DPP10: variants seen among roughly 807,000 people sequenced by gnomAD.
DPP10 encodes the protein dipeptidyl peptidase like 10.
Under a neutral mutation model 120.9 loss-of-function variants are expected in DPP10, and 33 were observed. The observed-to-expected ratio is 0.27, with a 90% CI of 0.21 to 0.37. The LOEUF (loss-of-function observed/expected upper bound fraction) is 0.37, where lower values mean the gene tolerates loss of function less well. Among genes scored for constraint, DPP10 ranks in the 10% least tolerant of loss-of-function variants. The pLI, the probability that DPP10 is intolerant of heterozygous loss-of-function variation, is 1.00. For missense variants in DPP10, 816 were observed against 942.8 expected, an observed-to-expected ratio of 0.87 and a Z score of 1.76; for synonymous variants, 337 against 326.1, an observed-to-expected ratio of 1.03 and a Z score of -0.36.
At chr2:115,743,314 G>A (rs917834632) in intron 9 of DPP10, among the ~76,000 whole-genome samples, 1 of 152,100 alleles carries the variant, frequency 6.6e-6, no homozygotes, top group African/African-American at 2.4e-5. Flanking sequence ...ACGCTTAGTT[G>A]AGATGTTCAC....
chr2:115,205,656 A>G (rs1446190308), intron 1 of DPP10, among the ~76,000 whole-genome samples: 1 of 152,174 alleles, frequency 6.6e-6, no homozygotes, highest in East Asian at 1.9e-4. Context: ...GATTGGATAA[A>G]GGAAATGTGA....
intron 1 of DPP10, among the ~76,000 whole-genome samples, chr2:114,638,555 C>A (rs1168533315): frequency 6.6e-6 from 1 of 151,784 alleles, no homozygotes; most frequent in African/African-American, 2.4e-5. Flanking sequence ...CAGAGAAATG[C>A]AACTCAGAAC....
At chr2:114,916,750 C>A (rs899044103) in intron 1 of DPP10, among the ~76,000 whole-genome samples, 24 of 152,118 alleles carry the variant, frequency 1.6e-4, no homozygotes, top group African/African-American at 5.8e-4. Context: ...GCTGAAAAGG[C>A]TTTTGATTAA....
chr2:115,136,559 ATG>A (rs1175230863), intron 1 of DPP10, among the ~76,000 whole-genome samples: 3 of 152,192 alleles, frequency 2.0e-5, no homozygotes, highest in Admixed American at 6.5e-5. Flanking sequence ...TTTCTATGTA[ATG>A]ACCTGTTCTC....
chr2:115,335,147 G>T (rs549137976), intron 2 of DPP10, among the ~76,000 whole-genome samples: 3 of 151,768 alleles, frequency 2.0e-5, no homozygotes, highest in African/African-American at 7.3e-5. Flanking sequence ...TTTTAAAACC[G>T]TGAGATCTCA....
chr2:114,761,249 C>A lies in DPP10; in HGVS notation c.60+318411C>A, dbSNP rs149090849. 7.5e-4 allele frequency among the ~76,000 whole-genome samples: 114 copies of A among 152,120 alleles called. 1 individual carries two copies. The highest frequency in any genetic ancestry group is 5.4e-3 in the East Asian group (28 of 5,140). ...AGAAAAGCAAATAAAAAAAAGATGG[C>A]GTACTTTCAGTAATTTAAGTAAATC... On this transcript the variant is annotated intron_variant, in intron 1 of 25. Coordinates refer to ENST00000410059, the MANE Select transcript of DPP10 (RefSeq NM_020868.6).
chr2:115,519,105 G>T (rs899764006), intron 4 of DPP10, among the ~76,000 whole-genome samples: 2 of 152,026 alleles, frequency 1.3e-5, no homozygotes, highest in African/African-American at 4.8e-5. Flanking sequence ...ATATTGGCAT[G>T]ACTCTCAAAT....
intron 1 of DPP10, among the ~76,000 whole-genome samples, chr2:115,220,521 G>T (rs573976804): frequency 6.6e-6 from 1 of 152,116 alleles, no homozygotes; most frequent in Non-Finnish European, 1.5e-5. Flanking sequence ...AGACCAGCCT[G>T]GGCAACAGAG....
chr2:115,782,726 A>C (rs547646695), intron 17 of DPP10, among the ~76,000 whole-genome samples: 1 of 152,098 alleles, frequency 6.6e-6, no homozygotes, highest in Non-Finnish European at 1.5e-5. Flanking sequence ...CCTGGGCCTC[A>C]CATAAGTTAT....
intron 5 of DPP10, chr2:115,579,130 G>T (rs1435073281): frequency 6.6e-6 from 1 of 152,196 alleles, no homozygotes; most frequent in African/African-American, 2.4e-5. Flanking sequence ...AATGGAGACA[G>T]AGTTGCTTAT....
At chr2:115,084,739 G>T (rs951530889) in intron 1 of DPP10, among the ~76,000 whole-genome samples, 1 of 152,196 alleles carries the variant, frequency 6.6e-6, no homozygotes, top group African/African-American at 2.4e-5. Context: ...CAGGCTCTCC[G>T]CCAGTTTGTG....
chr2:115,649,113 G>A (rs932307287), intron 5 of DPP10, among the ~76,000 whole-genome samples: 2 of 152,080 alleles, frequency 1.3e-5, no homozygotes, highest in African/African-American at 4.8e-5. Context: ...AAAAGGAGAG[G>A]AAATAGATAG....
chr2:115,423,434 G>A (rs984530269), intron 3 of DPP10, among the ~76,000 whole-genome samples: 3 of 152,024 alleles, frequency 2.0e-5, no homozygotes, highest in Non-Finnish European at 4.4e-5. Context: ...TAATGACAAA[G>A]CCATGTTTTA....
intron 1 of DPP10, among the ~76,000 whole-genome samples, chr2:114,985,915 C>T (rs1700365586): frequency 6.6e-6 from 1 of 152,118 alleles, no homozygotes; most frequent in Non-Finnish European, 1.5e-5. Flanking sequence ...GTTTACATTT[C>T]ATTTTAAAAA....
intron 1 of DPP10, among the ~76,000 whole-genome samples, chr2:115,298,991 T>C (rs1010907393): frequency 1.3e-5 from 2 of 152,142 alleles, no homozygotes; most frequent in South Asian, 2.1e-4. Context: ...ATGAATCTCA[T>C]GGGCAATTTT....
At chr2:114,648,942 T>C (rs6755197) in intron 1 of DPP10, among the ~76,000 whole-genome samples, 1 of 152,214 alleles carries the variant, frequency 6.6e-6, no homozygotes, top group African/African-American at 2.4e-5. Context: ...GTAATTCCTC[T>C]GTAGACGTGC....
At chr2:114,848,794 C>T (rs1002275349) in intron 1 of DPP10, among the ~76,000 whole-genome samples, 2 of 152,226 alleles carry the variant, frequency 1.3e-5, no homozygotes, top group East Asian at 3.9e-4. Flanking sequence ...TTATGATGAC[C>T]TCTATGGGAG....
At chr2:114,951,023 G>A (rs1212003960) in intron 1 of DPP10, among the ~76,000 whole-genome samples, 1 of 152,180 alleles carries the variant, frequency 6.6e-6, no homozygotes, top group African/African-American at 2.4e-5. Flanking sequence ...GCACTGGAAT[G>A]TCAATGAGGG....
At chr2:114,459,465 G>T (rs1411930285) in intron 1 of DPP10, among the ~76,000 whole-genome samples, 1 of 152,082 alleles carries the variant, frequency 6.6e-6, no homozygotes, top group African/African-American at 2.4e-5. Context: ...TACAGAGACT[G>T]GTGTCAAAAA....
Sources: gnomAD v4.1 joint callset for allele counts (sites outside exome capture counted in the v4.1 genomes callset) on GRCh38, gnomAD v4.1.1 for gene constraint, MANE v1.5 for transcripts, NCBI Gene and HGNC (gene_info 2026-07-23, HGNC 2026-07-21) for gene names.